The following DNAAF4 variants were observed in gnomAD, a reference collection of about 807,000 sequenced individuals.
DNAAF4 encodes dynein axonemal assembly factor 4, also known as dynein assembly factor 4, axonemal.
A neutral mutation model predicts 51.8 loss-of-function variants in DNAAF4; 43 were observed. The observed-to-expected ratio is 0.83, with a 90% CI of 0.65 to 1.07. The LOEUF is 1.07. DNAAF4 is among the 50% of genes least tolerant of loss of function. DNAAF4 has a pLI of 0.00. For synonymous variants in DNAAF4, 194 were observed against 165.6 expected, an observed-to-expected ratio of 1.17 and a Z score of -1.32; for missense variants, 581 against 493.0, an observed-to-expected ratio of 1.18 and a Z score of -1.69.
At chr15:55,446,310 A>AGGGG (rs2057812958) in intron 6 of DNAAF4, among the ~76,000 whole-genome samples, 2 of 34,098 alleles carry the variant, frequency 5.9e-5, no homozygotes, top group African/African-American at 2.0e-4. Flanking sequence ...GGGGGGGGGC[A>AGGGG]GCTGGGCAGA....
At chr15:55,457,600 C>T (rs139073532) in intron 5 of DNAAF4, among the ~76,000 whole-genome samples, 1 of 152,270 alleles carries the variant, frequency 6.6e-6, no homozygotes, top group South Asian at 2.1e-4. Flanking sequence ...TGGAGCCCAA[C>T]GAACTCAAGC....
intron 6 of DNAAF4, among the ~76,000 whole-genome samples, chr15:55,446,430 C>A: frequency 6.9e-6 from 1 of 145,610 alleles, no homozygotes; most frequent in Non-Finnish European, 1.5e-5. Flanking sequence ...GGCGGCCGGG[C>A]AGAGGCGCTC....
At chr15:55,477,842 G>C (rs573548868) in intron 4 of DNAAF4, among the ~76,000 whole-genome samples, 1 of 151,478 alleles carries the variant, frequency 6.6e-6, no homozygotes, top group African/African-American at 2.4e-5. Context: ...GAGGCAGGTG[G>C]ATCATTTAAG....
downstream of DNAAF4, among the ~76,000 whole-genome samples, chr15:55,429,064 A>T (rs2141392339): frequency 6.6e-6 from 1 of 151,546 alleles, no homozygotes; most frequent in African/African-American, 2.4e-5. Context: ...TCTACTAAAA[A>T]TACAAAAATT....
At chr15:55,433,858 A>AT (rs1567000285) in intron 8 of DNAAF4, among the ~76,000 whole-genome samples, 2 of 45,058 alleles carry the variant, frequency 4.4e-5, no homozygotes, top group Non-Finnish European at 8.4e-5. Context: ...TATATATTAT[A>AT]ATATATATTA....
At chr15:55,453,474 A>G (rs1481094910) in intron 5 of DNAAF4, among the ~76,000 whole-genome samples, 1 of 152,054 alleles carries the variant, frequency 6.6e-6, no homozygotes. Flanking sequence ...AAGCCAGTAA[A>G]GACAGGCTAA....
chr15:55,419,928 G>C (rs1380692810), intron 7 of DNAAF4, among the ~76,000 whole-genome samples: 1 of 152,106 alleles, frequency 6.6e-6, no homozygotes, highest in African/African-American at 2.4e-5. Flanking sequence ...ACTTGAACCT[G>C]GGAGGTGGAG....
intron 1 of DNAAF4, among the ~76,000 whole-genome samples, chr15:55,503,127 T>A (rs976265513): frequency 6.7e-6 from 1 of 149,780 alleles, no homozygotes; most frequent in Non-Finnish European, 1.5e-5. Context: ...CAAACTACCA[T>A]CAGAGAATAC....
chr15:55,451,749 A>C (rs978929057), intron 5 of DNAAF4, among the ~76,000 whole-genome samples: 31 of 152,000 alleles, frequency 2.0e-4, no homozygotes, highest in African/African-American at 6.5e-4. Flanking sequence ...AAGAGCAGGC[A>C]CTACAGGTGC....
At chr15:55,465,065 CTGT>C (rs1298690838) in intron 5 of DNAAF4, among the ~76,000 whole-genome samples, 3 of 152,282 alleles carry the variant, frequency 2.0e-5, no homozygotes, top group Admixed American at 1.3e-4. Flanking sequence ...CACCTTACTC[CTGT>C]TAAGAATGAC....
At chr15:55,477,904 G>GGA (rs2058357874) in intron 4 of DNAAF4, among the ~76,000 whole-genome samples, 1 of 144,692 alleles carries the variant, frequency 6.9e-6, no homozygotes, top group East Asian at 2.0e-4. Context: ...TGTCTCTACT[G>GGA]AAAAAAAAAA....
intron 1 of DNAAF4, among the ~76,000 whole-genome samples, chr15:55,502,157 T>A (rs2058703121): frequency 6.6e-6 from 1 of 152,074 alleles, no homozygotes; most frequent in African/African-American, 2.4e-5. Context: ...TTGAACAAGA[T>A]GAATTCATTG....
intron 6 of DNAAF4, among the ~76,000 whole-genome samples, chr15:55,449,241 C>T (rs1292997520): frequency 1.3e-5 from 2 of 150,948 alleles, no homozygotes; most frequent in African/African-American, 2.4e-5. Flanking sequence ...CCACCCACCT[C>T]GGCCTCCCAA....
In DNAAF4 at chr15:55,432,617, A is replaced by G. The variant is rs369360982; in HGVS notation, c.1048-15T>C. 4.5e-5 allele frequency: 71 copies of G among 1,586,270 alleles called. No individual in the cohort carries two copies. The highest frequency in any genetic ancestry group is 5.9e-5 in the Non-Finnish European group (68 of 1,161,418). The stretch of plus-strand genomic sequence containing the variant: ...AATTCCAGTGCCTTACAAAATATAT[A>G]TAATTATTACAAGAAAGTTATAGTT... On this transcript the variant is annotated splice_polypyrimidine_tract_variant and intron_variant, in intron 8 of 9. Coordinates refer to ENST00000321149, the MANE Select transcript of DNAAF4 (RefSeq NM_130810.4).
chr15:55,438,208 G>C (rs1185122208), intron 7 of DNAAF4, among the ~76,000 whole-genome samples: 1 of 151,726 alleles, frequency 6.6e-6, no homozygotes, highest in Non-Finnish European at 1.5e-5. Context: ...AAAATTAGTT[G>C]GGCGTGGTGG....
At chr15:55,445,965 C>CAG (rs1427675992) in intron 6 of DNAAF4, among the ~76,000 whole-genome samples, 1 of 145,340 alleles carries the variant, frequency 6.9e-6, no homozygotes, top group Non-Finnish European at 1.5e-5. Context: ...GACGGGGCGG[C>CAG]CGGGCAGAGG....
intron 6 of DNAAF4, among the ~76,000 whole-genome samples, chr15:55,449,624 C>T (rs185788927): frequency 1.3e-5 from 2 of 150,384 alleles, no homozygotes; most frequent in African/African-American, 2.4e-5. Flanking sequence ...AGATTGTGCC[C>T]ACTGCACTCC....
chr15:55,439,454 A>G lies in DNAAF4; in HGVS notation c.893+18T>C, dbSNP rs572300088. 11 of 1,587,122 alleles carry G rather than the reference A, an allele frequency of 6.9e-6. No individual in the cohort carries two copies. The South Asian group carries it at 1.2e-4, about 18-fold the overall frequency. ...TTCATACATGATAAAGCTCATGATC[A>G]GAGTTCAAACAACTTACTTTCCTTT... On this transcript the variant is annotated intron_variant, in intron 7 of 9. Transcript: ENST00000321149.
At chr15:55,483,715 T>A (rs1304539910) in intron 4 of DNAAF4, among the ~76,000 whole-genome samples, 1 of 151,312 alleles carries the variant, frequency 6.6e-6, no homozygotes, top group Non-Finnish European at 1.5e-5. Flanking sequence ...TAATTTTTTG[T>A]ATTTTTAGTA....
Sources: allele counts gnomAD v4.1 joint callset (sites outside exome capture counted in the v4.1 genomes callset), GRCh38; gene constraint gnomAD v4.1.1; transcripts MANE v1.5; gene names NCBI Gene and HGNC (gene_info 2026-07-23, HGNC 2026-07-21).